The following FILIP1L variants were observed in gnomAD, a reference collection of about 807,000 sequenced individuals.
The protein encoded by FILIP1L is filamin A-interacting protein 1-like.
Under a neutral mutation model 96.6 loss-of-function variants are expected in FILIP1L, and 55 were observed. That is an observed-to-expected ratio of 0.57 (90% CI 0.46 to 0.71). FILIP1L has a LOEUF of 0.71. Ranked by LOEUF, FILIP1L falls within the 30% of genes least tolerant of loss-of-function variation. FILIP1L has a pLI of 0.00. For synonymous variants in FILIP1L, 467 were observed against 473.9 expected, an observed-to-expected ratio of 0.99 and a Z score of 0.19; for missense variants, 1,304 against 1,321.2, an observed-to-expected ratio of 0.99 and a Z score of 0.20.
intron 4 of FILIP1L, among the ~76,000 whole-genome samples, chr3:99,920,489 T>A (rs1707091114): frequency 6.6e-6 from 1 of 152,220 alleles, no homozygotes; most frequent in Non-Finnish European, 1.5e-5. Flanking sequence ...GCCAAGTACA[T>A]AATTCAGGTC....
intron 4 of FILIP1L, among the ~76,000 whole-genome samples, chr3:99,900,491 C>T (rs934820229): frequency 1.3e-5 from 2 of 152,120 alleles, no homozygotes; most frequent in African/African-American, 4.8e-5. Context: ...AGATAGAGTG[C>T]GTTCAGGGTG....
At chr3:99,853,618 C>T (rs530011032) in intron 4 of FILIP1L, among the ~76,000 whole-genome samples, 4 of 152,118 alleles carry the variant, frequency 2.6e-5, no homozygotes, top group African/African-American at 4.8e-5. Flanking sequence ...GGGCATGTTG[C>T]GTATTTTTCA....
intron 4 of FILIP1L, among the ~76,000 whole-genome samples, chr3:99,866,499 T>C (rs1410523289): frequency 6.6e-6 from 1 of 152,158 alleles, no homozygotes; most frequent in Non-Finnish European, 1.5e-5. Flanking sequence ...GCCTGAAGAG[T>C]ATAAAATGTG....
intron 1 of FILIP1L, among the ~76,000 whole-genome samples, chr3:100,089,846 C>A (rs2066072966): frequency 6.6e-6 from 1 of 152,098 alleles, no homozygotes; most frequent in Non-Finnish European, 1.5e-5. Context: ...CCATTTTTGC[C>A]ACCTACTAGT....
intron 4 of FILIP1L, among the ~76,000 whole-genome samples, chr3:99,909,792 C>T (rs568821934): frequency 6.6e-6 from 1 of 152,190 alleles, no homozygotes; most frequent in Admixed American, 6.5e-5. Context: ...ATTTTTATTC[C>T]ATTTCCATTC....
chr3:100,031,848 A>G (rs2065027271), intron 1 of FILIP1L, among the ~76,000 whole-genome samples: 1 of 152,216 alleles, frequency 6.6e-6, no homozygotes, highest in South Asian at 2.1e-4. Context: ...CTTGCTGGCC[A>G]TATGGTCTGT....
intron 4 of FILIP1L, chr3:99,876,059 C>G: frequency 3.0e-6 from 3 of 985,966 alleles, no homozygotes; most frequent in Non-Finnish European, 3.6e-6. Flanking sequence ...CGAAGTTGCT[C>G]TCCCGGGCTT....
chr3:99,851,481 C>T (rs1277470011), intron 4 of FILIP1L, among the ~76,000 whole-genome samples: 1 of 152,166 alleles, frequency 6.6e-6, no homozygotes, highest in Non-Finnish European at 1.5e-5. Context: ...TATTTAACAT[C>T]TCTGAGCCTC....
At chr3:100,070,524 T>C (rs1446880317) in intron 1 of FILIP1L, among the ~76,000 whole-genome samples, 1 of 152,228 alleles carries the variant, frequency 6.6e-6, no homozygotes, top group African/African-American at 2.4e-5. Flanking sequence ...AGATAAACCT[T>C]GTGCCAATTT....
chr3:100,026,935 C>T (rs954672214), intron 1 of FILIP1L, among the ~76,000 whole-genome samples: 2 of 151,914 alleles, frequency 1.3e-5, no homozygotes, highest in Admixed American at 6.6e-5. Context: ...TAAGACTCTC[C>T]GACCTCATCT....
At chr3:100,070,976 G>A (rs1176416051) in intron 1 of FILIP1L, among the ~76,000 whole-genome samples, 1 of 151,368 alleles carries the variant, frequency 6.6e-6, no homozygotes, top group East Asian at 2.0e-4. Flanking sequence ...TTCTCACTAT[G>A]TAATGCCCTT....
chr3:99,848,769 TA>T lies in FILIP1L; in HGVS notation c.2906del (p.Leu969Ter). 6.2e-7 allele frequency: 1 copy of T among 1,614,214 alleles called. No individual in the cohort carries two copies. The highest frequency in any genetic ancestry group is 8.5e-7 in the Non-Finnish European group (1 of 1,180,032). ...SKTSTEDLMN[L>X]EQGMSPITMA... ...TGGTAATTGGGGACATGCCTTGTTCTAAATTCATGAGGTCTTCGGTAGAGGT... is the reference window on the plus strand; with the variant it reads ...TGGTAATTGGGGACATGCCTTGTTCTAATTCATGAGGTCTTCGGTAGAGGT... On this transcript the variant is annotated frameshift_variant, in exon 5 of 6. Transcript: ENST00000477258. LOFTEE classifies it high-confidence loss of function.
intron 1 of FILIP1L, among the ~76,000 whole-genome samples, chr3:100,064,947 A>G (rs1037891932): frequency 1.3e-5 from 2 of 152,212 alleles, no homozygotes; most frequent in East Asian, 3.8e-4. Context: ...TGCAATGTAT[A>G]TCTACTAACA....
At chr3:99,961,678 A>G (rs1046997028) in intron 1 of FILIP1L, among the ~76,000 whole-genome samples, 1 of 152,192 alleles carries the variant, frequency 6.6e-6, no homozygotes, top group Non-Finnish European at 1.5e-5. Flanking sequence ...TACTTAGAAT[A>G]TTCTTTTATA....
At chr3:99,901,543 GT>G (rs1158617811) in intron 4 of FILIP1L, among the ~76,000 whole-genome samples, 8 of 152,140 alleles carry the variant, frequency 5.3e-5, no homozygotes, top group Non-Finnish European at 1.0e-4. Flanking sequence ...CCAGATGTTC[GT>G]CGGGAAAGCT....
intron 1 of FILIP1L, among the ~76,000 whole-genome samples, chr3:100,004,753 G>A (rs867975444): frequency 6.0e-4 from 91 of 152,330 alleles, no homozygotes; most frequent in Non-Finnish European, 4.7e-4. Flanking sequence ...GGGTTTAAAA[G>A]TGGAAGCACG....
At chr3:100,025,922 G>A (rs1208604680) in intron 1 of FILIP1L, among the ~76,000 whole-genome samples, 1 of 152,116 alleles carries the variant, frequency 6.6e-6, no homozygotes, top group Non-Finnish European at 1.5e-5. Flanking sequence ...CTGGGCCTCG[G>A]AGCTCCCTTG....
At chr3:99,988,511 C>CCA (rs1709418402) in intron 1 of FILIP1L, among the ~76,000 whole-genome samples, 1 of 47,896 alleles carries the variant, frequency 2.1e-5, no homozygotes, top group South Asian at 8.2e-4. Context: ...GACTCCATCT[C>CCA]AAAAAAAAAA....
chr3:100,071,122 G>A (rs1234635703), intron 1 of FILIP1L, among the ~76,000 whole-genome samples: 3 of 56,366 alleles, frequency 5.3e-5, no homozygotes, highest in Non-Finnish European at 9.6e-5. Context: ...GGATGGATTA[G>A]CATTTCCAAA....
Sources: allele counts gnomAD v4.1 joint callset (sites outside exome capture counted in the v4.1 genomes callset), GRCh38; gene constraint gnomAD v4.1.1; transcripts MANE v1.5; gene names NCBI Gene and HGNC (gene_info 2026-07-23, HGNC 2026-07-21).